Variants in CSF1R observed in about 807,000 individuals in gnomAD.
CSF1R encodes macrophage colony-stimulating factor 1 receptor.
Under a neutral mutation model 110.0 loss-of-function variants are expected in CSF1R, and 40 were observed. The observed-to-expected ratio is 0.36, with a 90% CI of 0.28 to 0.47. The LOEUF is 0.47. Ranked by LOEUF, CSF1R falls within the 20% of genes least tolerant of loss-of-function variation. The probability of loss-of-function intolerance (pLI) is 0.99; values close to 1 mark genes in which losing one functional copy is unlikely to be tolerated. For missense variants in CSF1R, 1,052 were observed against 1,253.0 expected (o/e 0.84, Z 2.42); for synonymous variants, 523 against 503.4 (o/e 1.04, Z -0.52).
At chr5:150,093,368 A>G (rs1164960534) in intron 1 of CSF1R, among the ~76,000 whole-genome samples, 1 of 152,046 alleles carries the variant, frequency 6.6e-6, no homozygotes, top group Non-Finnish European at 1.5e-5. Context: ...TGTGAGCCAC[A>G]GCACCGGCCC....
chr5:150,061,437 AC>A, intron 12 of CSF1R, 53 bp downstream of exon 12: 2 of 285,840 alleles, frequency 7.0e-6, no homozygotes, highest in Admixed American at 5.3e-5. Flanking sequence ...GGGCCAGCCC[AC>A]CCCCAGCATC....
Position 150,056,294 on chromosome 5 carries a change from A to G in CSF1R, c.2367T>C (p.Gly789=), listed in dbSNP as rs772535387. The G allele has an allele frequency of 8.7e-6, 14 of 1,613,974 alleles. 1 individual carries two copies. In the South Asian group the frequency reaches 1.5e-4, roughly 18 times the overall value. The change falls in exon 17 of 21, where the codon GGT becomes GGC. Residue 789 remains glycine (G), a synonymous_variant. Transcript: ENST00000675795. The part of the protein sequence containing the change: ...VAARNVLLTN[G]HVAKIGDFGL... ...CGAAGTCCCCAATCTTGGCCACATG[A>G]CCATTGGTCAACAGCACGTTACGCG...
chr5:150,059,394 T>C (rs1757397219), intron 14 of CSF1R, among the ~76,000 whole-genome samples: 1 of 152,206 alleles, frequency 6.6e-6, no homozygotes, highest in Admixed American at 6.5e-5. Context: ...TGGTTGATCT[T>C]TTACACACAC....
intron 1 of CSF1R, among the ~76,000 whole-genome samples, chr5:150,105,384 A>ATTTT (rs35556562): frequency 3.6e-4 from 30 of 84,258 alleles, no homozygotes; most frequent in African/African-American, 1.4e-3. Flanking sequence ...ATATATATAT[A>ATTTT]TTTTTTTTTT....
intron 1 of CSF1R, among the ~76,000 whole-genome samples, chr5:150,112,050 A>G (rs549074470): frequency 6.6e-6 from 1 of 152,326 alleles, no homozygotes; most frequent in East Asian, 1.9e-4. Flanking sequence ...AGCCAATCAA[A>G]TCTTGTAGCT....
chr5:150,092,634 G>C (rs963945412), intron 1 of CSF1R, among the ~76,000 whole-genome samples: 1 of 152,046 alleles, frequency 6.6e-6, no homozygotes, highest in South Asian at 2.1e-4. Context: ...GTATATGCAG[G>C]GGAACTCCCA....
intron 1 of CSF1R, among the ~76,000 whole-genome samples, chr5:150,084,466 GGAA>G (rs961266571): frequency 3.1e-5 from 3 of 97,468 alleles, no homozygotes. Flanking sequence ...AAGAAAGAAA[GGAA>G]GGAGATGGAG....
At chr5:150,076,455 G>A (rs1378545393) in intron 5 of CSF1R, among the ~76,000 whole-genome samples, 1 of 152,102 alleles carries the variant, frequency 6.6e-6, no homozygotes, top group Non-Finnish European at 1.5e-5. Context: ...GACACAGGGT[G>A]GTTAGCAACC....
intron 1 of CSF1R, among the ~76,000 whole-genome samples, chr5:150,109,139 T>C (rs1165786319): frequency 6.8e-6 from 1 of 146,450 alleles, no homozygotes; most frequent in Non-Finnish European, 1.5e-5. Context: ...CTCAGCCTGC[T>C]GGCCACTCTG....
rs147811334 is a variant in CSF1R at position 150,080,220 on chromosome 5, G to A, written c.424C>T (p.Arg142Cys). Residue 142 changes from arginine to cysteine, a missense_variant, in exon 3 of 21, where the codon CGT (arginine) becomes TGT (cysteine). By Grantham distance (180) the Arg-to-Cys change is radical (BLOSUM62 -3). Transcript: ENST00000675795. ...PVLEAGVSLV[R>C]VRGRPLMRHT... ...CGCATGAGGGGCCGGCCACGCACAC[G>A]CACCAGCGAGACGCCTGCTTCCAGC... The A allele has an allele frequency of 6.2e-6, 10 of 1,613,622 alleles. No individual in the cohort carries two copies. The highest frequency in any genetic ancestry group is 8.5e-6 in the Non-Finnish European group (10 of 1,180,040).
chr5:150,097,418 GAA>G (rs1027198991), intron 1 of CSF1R, among the ~76,000 whole-genome samples: 2 of 150,576 alleles, frequency 1.3e-5, no homozygotes, highest in African/African-American at 4.9e-5. Flanking sequence ...AAAGAAAAAA[GAA>G]AGAAAGAAAA....
At chr5:150,061,415 C>T in intron 12 of CSF1R, 76 bp downstream of exon 12, 1 of 1,278,660 alleles carries the variant, frequency 7.8e-7, no homozygotes, top group East Asian at 2.4e-5. Flanking sequence ...TGTGATGCCT[C>T]TTGTGACACC....
chr5:150,056,388 A>G (rs1757220821), intron 16 of CSF1R, 47 bp from the exon 17 acceptor site: 1 of 1,608,954 alleles, frequency 6.2e-7, no homozygotes, highest in Non-Finnish European at 8.5e-7. Flanking sequence ...CTCCTACCTG[A>G]GCCTGAGGTG....
intron 1 of CSF1R, among the ~76,000 whole-genome samples, chr5:150,110,434 A>G (rs747472698): frequency 1.4e-4 from 22 of 152,226 alleles, no homozygotes; most frequent in Non-Finnish European, 2.4e-4. Flanking sequence ...TCTTTGTGGC[A>G]CTGGGGAACA....
rs766706416 is a variant in CSF1R at position 150,061,661 on chromosome 5, C to G, written c.1753+62G>C. On this transcript the variant is annotated intron_variant, in intron 11 of 20. Coordinates refer to ENST00000675795, the MANE Select transcript of CSF1R (RefSeq NM_001288705.3). ...GGGCCTCTGTCCAAGGGCCCATGGGCTCCCTGCAACCCCCACAGGCCCTGT... is the reference window on the plus strand; with the variant it reads ...GGGCCTCTGTCCAAGGGCCCATGGGGTCCCTGCAACCCCCACAGGCCCTGT... 7.4e-6 allele frequency: 12 copies of G among 1,614,134 alleles called. No individual in the cohort carries two copies. The East Asian group carries it at 2.7e-4, about 36-fold the overall frequency.
chr5:150,057,531 A>T lies in CSF1R; in HGVS notation c.2194T>A (p.Ser732Thr), dbSNP rs1757280242. The change falls in exon 15 of 21, where the codon TCT (serine) becomes ACT (threonine). Residue 732 changes from serine to threonine, a missense_variant. This residue lies in a region of CSF1R where 124 missense variants were observed against 117.7 expected (regional missense o/e 1.05). Transcript: ENST00000675795. ...TGCTCAGAGAAGGAGTCATTTGAAG[A>T]AGTGGAGACAGGCCTCATCTCCACA... ...TYVEMRPVST[S>T]SNDSFSEQDL... The T allele has an allele frequency of 1.2e-6, 2 of 1,614,106 alleles. No individual in the cohort carries two copies. Among genetic ancestry groups the T allele is most frequent in the Non-Finnish European group, 1.7e-6 (2 of 1,180,038 alleles).
At chr5:150,055,999 C>G (rs890725923) in intron 18 of CSF1R, 27 bp downstream of exon 18, 1 of 1,595,346 alleles carries the variant, frequency 6.3e-7, no homozygotes, top group East Asian at 2.2e-5. Flanking sequence ...GCCCCAGGCT[C>G]TGCCTGGAGT....
chr5:150,109,693 T>C (rs1311292429), intron 1 of CSF1R, among the ~76,000 whole-genome samples: 2 of 152,248 alleles, frequency 1.3e-5, no homozygotes, highest in East Asian at 3.8e-4. Flanking sequence ...CAGGGCACTA[T>C]ATGTACTTAA....
chr5:150,081,123 C>T lies in CSF1R; in HGVS notation c.50-99G>A, dbSNP rs542377736. 29 of 1,415,844 alleles carry T rather than the reference C, an allele frequency of 2.0e-5. No homozygotes were observed. The South Asian group carries it at 3.6e-4, about 17-fold the overall frequency. 87.7% of individuals were successfully genotyped at this position (1,415,844 alleles called of 1,614,324 possible). A position where few individuals can be genotyped will look rare whatever the true frequency, so the allele number is the denominator to read the frequency against. On this transcript the variant is annotated intron_variant, in intron 1 of 20. Coordinates refer to ENST00000675795, the MANE Select transcript of CSF1R (RefSeq NM_001288705.3). ...GGGTGGTAGCTTGGCAGGGATGGTG[C>T]TGTGCCATCAAGGGACCACCTTGAA... is the stretch of plus-strand genomic sequence containing the variant.
Sources: gnomAD v4.1 joint callset for allele counts (sites outside exome capture counted in the v4.1 genomes callset) on GRCh38, gnomAD v4.1.1 for gene constraint, gnomAD v4.1.1 regional missense constraint, MANE v1.5 for transcripts, NCBI Gene and HGNC (gene_info 2026-07-23, HGNC 2026-07-21) for gene names.